The following LINGO2 variants were observed in gnomAD, a reference collection of about 807,000 sequenced individuals.
LINGO2 encodes the protein leucine rich repeat and Ig domain containing 2.
Under a neutral mutation model 30.6 loss-of-function variants are expected in LINGO2, and 14 were observed. The ratio of observed to expected loss-of-function variants is 0.46; its 90% CI spans 0.30 to 0.72. The LOEUF is 0.72. Among genes scored for constraint, LINGO2 ranks in the 30% least tolerant of loss-of-function variants. LINGO2 has a pLI of 0.07. For synonymous variants in LINGO2, 317 were observed against 288.5 expected, an observed-to-expected ratio of 1.10 and a Z score of -1.00; for missense variants, 729 against 751.7, an observed-to-expected ratio of 0.97 and a Z score of 0.35.
chr9:28,053,026 G>A (rs1215161607), intron 4 of LINGO2, among the ~76,000 whole-genome samples: 3 of 152,082 alleles, frequency 2.0e-5, no homozygotes, highest in Non-Finnish European at 4.4e-5. Flanking sequence ...TATGTTTTCT[G>A]TCCTCATCAA....
the LINGO2 span, among the ~76,000 whole-genome samples, chr9:28,742,172 C>T: frequency 6.6e-6 from 1 of 151,860 alleles, no homozygotes; most frequent in Admixed American, 6.5e-5. Context: ...ACTTATCTCT[C>T]CTTCCCTCAT....
chr9:29,189,984 C>A, the LINGO2 span, among the ~76,000 whole-genome samples: 3 of 139,110 alleles, frequency 2.2e-5, no homozygotes, highest in Admixed American at 1.5e-4. Context: ...TTTGGCTGGG[C>A]ATCAGAGGGA....
At chr9:28,015,802 AT>A (rs1438848582) in intron 4 of LINGO2, among the ~76,000 whole-genome samples, 5 of 152,088 alleles carry the variant, frequency 3.3e-5, no homozygotes, top group Non-Finnish European at 5.9e-5. Flanking sequence ...AATGTTAATA[AT>A]TTTTAGTTAT....
At chr9:29,200,124 T>A in the LINGO2 span, among the ~76,000 whole-genome samples, 1 of 151,982 alleles carries the variant, frequency 6.6e-6, no homozygotes, top group Non-Finnish European at 1.5e-5. Context: ...CCCGGATACA[T>A]GAAACCAAAA....
the LINGO2 span, among the ~76,000 whole-genome samples, chr9:28,829,829 G>T: frequency 0.24 from 35,933 of 151,930 alleles, 4,600 homozygotes; most frequent in Non-Finnish European, 0.27. Context: ...GGCAGAGGTT[G>T]CAGTGAGCCA....
chr9:29,082,777 T>G, the LINGO2 span, among the ~76,000 whole-genome samples: 2 of 152,124 alleles, frequency 1.3e-5, no homozygotes, highest in East Asian at 3.9e-4. Context: ...GCGAAGGATA[T>G]GAACAGACAC....
At chr9:28,574,550 T>C (rs773923263) in intron 1 of LINGO2, among the ~76,000 whole-genome samples, 11 of 152,208 alleles carry the variant, frequency 7.2e-5, no homozygotes, top group Non-Finnish European at 1.6e-4. Flanking sequence ...CCAAAACTGA[T>C]GGTGCAGGGG....
At chr9:28,054,556 CTGTT>C (rs1824829595) in intron 4 of LINGO2, among the ~76,000 whole-genome samples, 1 of 152,216 alleles carries the variant, frequency 6.6e-6, no homozygotes, top group African/African-American at 2.4e-5. Context: ...GTTCCATTAA[CTGTT>C]TAAAAAATTT....
the LINGO2 span, among the ~76,000 whole-genome samples, chr9:28,787,959 T>C: frequency 6.6e-6 from 1 of 152,154 alleles, no homozygotes; most frequent in Non-Finnish European, 1.5e-5. Context: ...TTAAACAATA[T>C]CTAAATTCAC....
rs185867322 is a variant in LINGO2, at chr9:28,091,008, G to A, written c.-86-78603C>T. ...AATACCTAGGAATCCAACTTACAAG[G>A]GATATGAAGGACCTTTTCAAGGAGA... is the stretch of plus-strand genomic sequence containing the variant. On this transcript the variant is annotated intron_variant, in intron 4 of 5. Transcript: ENST00000379992. Among the ~76,000 whole-genome samples the A allele has an allele frequency of 2.1e-3, 324 of 152,166 alleles. 2 individuals carry two copies. Among genetic ancestry groups the A allele is most frequent in the Non-Finnish European group, 3.7e-3 (255 of 68,000 alleles).
At chr9:28,271,372 T>C (rs558434750) in intron 4 of LINGO2, among the ~76,000 whole-genome samples, 1 of 152,276 alleles carries the variant, frequency 6.6e-6, no homozygotes, top group East Asian at 1.9e-4. Flanking sequence ...GACAAATATT[T>C]TCACTGTCTC....
the LINGO2 span, among the ~76,000 whole-genome samples, chr9:29,188,768 T>C: frequency 7.8e-6 from 1 of 127,636 alleles, no homozygotes; most frequent in African/African-American, 2.9e-5. Flanking sequence ...CACTTCCCAG[T>C]AGGGGCGGCC....
At chr9:28,535,767 A>C (rs1034108861) in intron 1 of LINGO2, among the ~76,000 whole-genome samples, 2 of 152,150 alleles carry the variant, frequency 1.3e-5, no homozygotes, top group Non-Finnish European at 2.9e-5. Flanking sequence ...GGACAGCTAC[A>C]CTTAACAGAA....
chr9:29,011,705 T>C, the LINGO2 span, among the ~76,000 whole-genome samples: 2 of 152,162 alleles, frequency 1.3e-5, no homozygotes, highest in Admixed American at 1.3e-4. Context: ...TCATCTACAT[T>C]GACATACTAT....
At chr9:29,203,835 A>G in the LINGO2 span, among the ~76,000 whole-genome samples, 1 of 152,206 alleles carries the variant, frequency 6.6e-6, no homozygotes, top group Admixed American at 6.5e-5. Context: ...AACCTTAGGA[A>G]CAAGGGAGCC....
rs187538341 is a variant in LINGO2 at position 28,239,174 on chromosome 9, G to A, written c.-87+56034C>T. Among the ~76,000 whole-genome samples, 3 of 152,106 alleles carry A rather than the reference G, an allele frequency of 2.0e-5. No homozygotes were observed. In the East Asian group the frequency reaches 5.8e-4, roughly 29 times the overall value. On this transcript the variant is annotated intron_variant, in intron 4 of 5. Coordinates refer to ENST00000379992, the Ensembl canonical transcript of LINGO2. ...AAGTCTCCTAGTAAAGAAAAACCCA[G>A]GACAAGATGGCTTCACTGCTGAATT...
chr9:29,181,908 A>C, the LINGO2 span, among the ~76,000 whole-genome samples: 1 of 152,210 alleles, frequency 6.6e-6, no homozygotes, highest in Non-Finnish European at 1.5e-5. Flanking sequence ...AGGTTAAAGA[A>C]AGAAAAAGTA....
intron 1 of LINGO2, among the ~76,000 whole-genome samples, chr9:28,584,634 T>C (rs2135672630): frequency 6.6e-6 from 1 of 152,192 alleles, no homozygotes; most frequent in Non-Finnish European, 1.5e-5. Context: ...TGGATAATTA[T>C]TAAGGCTCCT....
At chr9:27,981,551 G>GAAAAAAAAGA (rs1302128718) in intron 5 of LINGO2, among the ~76,000 whole-genome samples, 1 of 87,144 alleles carries the variant, frequency 1.1e-5, no homozygotes, top group African/African-American at 4.2e-5. Context: ...AAAAAAAAAA[G>GAAAAAAAAGA]AAAAAAAAGA....
Sources: gnomAD v4.1 joint callset for allele counts (sites outside exome capture counted in the v4.1 genomes callset) on GRCh38, gnomAD v4.1.1 for gene constraint, MANE v1.5 for transcripts, NCBI Gene and HGNC (gene_info 2026-07-23, HGNC 2026-07-21) for gene names.